The following OR9K2 variants were observed in gnomAD, a reference collection of about 807,000 sequenced individuals.
OR9K2 encodes the protein olfactory receptor family 9 subfamily K member 2.
A neutral mutation model predicts 12.4 loss-of-function variants in OR9K2; 16 were observed. That is an observed-to-expected ratio of 1.29 (90% CI 0.87 to 1.95). The LOEUF (loss-of-function observed/expected upper bound fraction) is 1.95, where lower values mean the gene tolerates loss of function less well. Ranked by LOEUF, OR9K2 falls within the 30% of genes most tolerant of loss-of-function variation. The pLI, the probability that OR9K2 is intolerant of heterozygous loss-of-function variation, is 0.00. For missense variants in OR9K2, 434 were observed against 376.5 expected (o/e 1.15, Z -1.26); for synonymous variants, 133 against 133.2 (o/e 1.00, Z 0.01).
intron 2 of OR9K2, among the ~76,000 whole-genome samples, chr12:55,128,618 GTGTC>G (rs1473341690): frequency 6.6e-6 from 1 of 152,078 alleles, no homozygotes; most frequent in African/African-American, 2.4e-5. Flanking sequence ...ATTTAGAAAA[GTGTC>G]TGGCACATAA....
rs779527488 is a variant in OR9K2 at position 55,126,536 on chromosome 12, A to G, written c.-94+20A>G. ...CCTCAGGTTCACTTTGCTTATCTAT[A>G]GATTTTTGTTCCTGGAATCACTTCA... On this transcript the variant is annotated intron_variant, in intron 1 of 2. Coordinates refer to ENST00000641329, the MANE Select transcript of OR9K2 (RefSeq NM_001005243.2). 1 of 152,156 alleles carries G rather than the reference A, an allele frequency of 6.6e-6. No homozygotes were observed. Among genetic ancestry groups the G allele is most frequent in the Non-Finnish European group, 1.5e-5 (1 of 68,028 alleles). The allele number at this position is 152,156 out of a possible 1,614,324, so 9.4% of individuals were successfully genotyped here. A position where few individuals can be genotyped will look rare whatever the true frequency, so the allele number is the denominator to read the frequency against.
Position 55,130,263 on chromosome 12 carries a change from G to T in OR9K2, c.429G>T (p.Leu143=). 6.2e-6 allele frequency: 10 copies of T among 1,614,022 alleles called. No individual in the cohort carries two copies. Among genetic ancestry groups the T allele is most frequent in the Non-Finnish European group, 7.6e-6 (9 of 1,179,978 alleles). The change falls in exon 3 of 3, where the codon CTG becomes CTT. Residue 143 remains leucine, a synonymous_variant. Coordinates refer to ENST00000641329, the MANE Select transcript of OR9K2 (RefSeq NM_001005243.2). The part of the protein sequence containing the change: ...LLYSVQMSTR[L]CTQLVAGSYF... Reference sequence around the variant, plus strand: ...ACTCTGTTCAAATGTCCACACGTCTGTGTACTCAGTTGGTGGCTGGTTCCT... The same window carrying T: ...ACTCTGTTCAAATGTCCACACGTCTTTGTACTCAGTTGGTGGCTGGTTCCT...
At position 55,132,426 on chromosome 12, in the gene OR9K2, A is replaced by G. The variant is rs1378123916; in HGVS notation, c.*1650A>G. On this transcript the variant is annotated 3_prime_UTR_variant, in exon 3 of 3. Transcript: ENST00000641329. ...TTCAGTATCATTTGTGTCCCTATAGAAAGAGGAGATTAGGGCACACAGAGG... is the reference window on the plus strand; with the variant it reads ...TTCAGTATCATTTGTGTCCCTATAGGAAGAGGAGATTAGGGCACACAGAGG... The G allele has an allele frequency of 6.6e-6, 1 of 152,220 alleles. No homozygotes were observed. Among genetic ancestry groups the G allele is most frequent in the Non-Finnish European group, 1.5e-5 (1 of 68,044 alleles). The allele number at this position is 152,220 out of a possible 1,614,324, so 9.4% of individuals were successfully genotyped here.
At position 55,130,232 on chromosome 12, in the gene OR9K2, T is replaced by C. The variant is rs759484009; in HGVS notation, c.398T>C (p.Leu133Pro). ...CGCTTTATTGCCATCTGCAACCCTC[T>C]GCTCTACTCTGTTCAAATGTCCACA... ...YDRFIAICNP[L>P]LYSVQMSTRL... is the part of the protein sequence containing the mutation. The change falls in exon 3 of 3, where the codon CTG (leucine) becomes CCG (proline). Residue 133 changes from leucine (L) to proline (P), a missense_variant. Transcript: ENST00000641329. The C allele has an allele frequency of 5.0e-6, 8 of 1,614,024 alleles. No individual in the cohort carries two copies. The Admixed American group carries it at 1.0e-4, about 20-fold the overall frequency.
chr12:55,129,716 C>T (rs889957177), intron 2 of OR9K2, 110 bp from the exon 3 acceptor site: 1 of 1,296,516 alleles, frequency 7.7e-7, no homozygotes, highest in Non-Finnish European at 1.1e-6. Flanking sequence ...TTAATAATAA[C>T]ATTAATTTAA....
rs769562694 is a variant in OR9K2 at position 55,129,880 on chromosome 12, A to T, written c.46A>T (p.Ile16Phe). 1 of 1,613,922 alleles carries T rather than the reference A, an allele frequency of 6.2e-7. No homozygotes were observed. Among genetic ancestry groups the T allele is most frequent in the Non-Finnish European group, 8.5e-7 (1 of 1,179,958 alleles). Residue 16 changes from isoleucine (I) to phenylalanine (F), a missense_variant, in exon 3 of 3, where the codon ATT becomes TTT. Coordinates refer to ENST00000641329, the MANE Select transcript of OR9K2 (RefSeq NM_001005243.2). ...TSNHSEMTDF[I>F]LAGFRVRPEL... Reference sequence around the variant, plus strand: ...CAATCACTCAGAAATGACTGACTTCATTCTTGCAGGCTTCAGGGTACGCCC... The same window carrying T: ...CAATCACTCAGAAATGACTGACTTCTTTCTTGCAGGCTTCAGGGTACGCCC...
At chr12:55,128,973 G>A (rs1226982270) in intron 2 of OR9K2, among the ~76,000 whole-genome samples, 1 of 152,118 alleles carries the variant, frequency 6.6e-6, no homozygotes, top group Non-Finnish European at 1.5e-5. Flanking sequence ...TGGAAGGTGG[G>A]AGGAGGGAGA....
intron 2 of OR9K2, 64 bp from the exon 3 acceptor site, chr12:55,129,762 A>T: frequency 6.3e-7 from 1 of 1,588,176 alleles, no homozygotes. Flanking sequence ...ATAAGAGATT[A>T]TTTGTAATGC....
chr12:55,129,945 T>C lies in OR9K2; in HGVS notation c.111T>C (p.Val37=), dbSNP rs1953456701. The change falls in exon 3 of 3, where the codon GTT becomes GTC. Residue 37 remains valine (V), a synonymous_variant. Coordinates refer to ENST00000641329, the MANE Select transcript of OR9K2 (RefSeq NM_001005243.2). The stretch of plus-strand genomic sequence containing the variant: ...TCCTCTTCCTGCTATTTTTGTTTGT[T>C]TATGCCATGATCCTTCTAGGGAATG... ...HILLFLLFLF[V]YAMILLGNVG... 1 of 1,614,010 alleles carries C rather than the reference T, an allele frequency of 6.2e-7. No individual in the cohort carries two copies. The highest frequency in any genetic ancestry group is 8.5e-7 in the Non-Finnish European group (1 of 1,179,924).
chr12:55,130,833 C>A lies in OR9K2; in HGVS notation c.*57C>A, dbSNP rs951476721. 20 of 972,320 alleles carry A rather than the reference C, an allele frequency of 2.1e-5. No individual in the cohort carries two copies. The highest frequency in any genetic ancestry group is 3.0e-5 in the Non-Finnish European group (20 of 658,254). 60.2% of individuals were successfully genotyped at this position (972,320 alleles called of 1,614,324 possible). A position where few individuals can be genotyped will look rare whatever the true frequency, so the allele number is the denominator to read the frequency against. ...GCTATTTATTTAATACACCTGTGTTCATTAATAAAAGTTACTCTCCCGAAT... is the reference window on the plus strand; with the variant it reads ...GCTATTTATTTAATACACCTGTGTTAATTAATAAAAGTTACTCTCCCGAAT... On this transcript the variant is annotated 3_prime_UTR_variant, in exon 3 of 3. Transcript: ENST00000641329.
chr12:55,128,838 C>T (rs1953447060), intron 2 of OR9K2, among the ~76,000 whole-genome samples: 1 of 152,104 alleles, frequency 6.6e-6, no homozygotes, highest in Non-Finnish European at 1.5e-5. Flanking sequence ...GTATCCTTTG[C>T]AGTATTAATT....
chr12:55,129,139 GA>G (rs1953449325), intron 2 of OR9K2, among the ~76,000 whole-genome samples: 1 of 152,146 alleles, frequency 6.6e-6, no homozygotes, highest in African/African-American at 2.4e-5. Context: ...TTGGGATCAA[GA>G]AATGAAGGGA....
chr12:55,130,448 T>C lies in OR9K2; in HGVS notation c.614T>C (p.Leu205Ser), dbSNP rs1953464728. 6.2e-7 allele frequency: 1 copy of C among 1,613,524 alleles called. No individual in the cohort carries two copies. Among genetic ancestry groups the C allele is most frequent in the East Asian group, 2.2e-5 (1 of 44,878 alleles). ...ATCCATAGAATGATATCTTTTTCCT[T>C]ATCATGTATTATTATCTTGCCTACT... ...LFIHRMISFSLSCIIILPTII... is the reference protein window; with the variant it reads ...LFIHRMISFSSSCIIILPTII... The change falls in exon 3 of 3, where the codon TTA (leucine) becomes TCA (serine). Residue 205 changes from leucine (L) to serine (S), a missense_variant. By Grantham distance (145) the Leu-to-Ser change is moderately radical. Coordinates refer to ENST00000641329, the MANE Select transcript of OR9K2 (RefSeq NM_001005243.2).
chr12:55,127,006 TA>T (rs972742734), intron 2 of OR9K2, 95 bp downstream of exon 2: 2 of 152,028 alleles, frequency 1.3e-5, no homozygotes, highest in East Asian at 1.9e-4. Context: ...CTTTTCCAGG[TA>T]AAAAATGTCA....
chr12:55,128,187 TAA>T (rs1487497604), intron 2 of OR9K2, among the ~76,000 whole-genome samples: 4 of 151,914 alleles, frequency 2.6e-5, no homozygotes, highest in African/African-American at 4.8e-5. Flanking sequence ...AATTTTGTCT[TAA>T]GTTATTGTCA....
At position 55,130,014 on chromosome 12, in the gene OR9K2, A is replaced by C. The variant is rs745906859; in HGVS notation, c.180A>C (p.Thr60=). The C allele has an allele frequency of 6.2e-7, 1 of 1,613,648 alleles. No homozygotes were observed. The highest frequency in any genetic ancestry group is 2.2e-5 in the East Asian group (1 of 44,876). Residue 60 remains threonine, a synonymous_variant, in exon 3 of 3, where the codon ACA becomes ACC. Transcript: ENST00000641329. The part of the protein sequence containing the change: ...TIIMTDPRLN[T]PMYFFLGNLS... ...TTATGACTGATCCTCGGCTGAACAC[A>C]CCAATGTATTTTTTCCTAGGCAATC...
chr12:55,132,604 T>C lies in OR9K2; in HGVS notation c.*1828T>C, dbSNP rs1289279421. The C allele has an allele frequency of 6.6e-6, 1 of 152,242 alleles. No homozygotes were observed. The highest frequency in any genetic ancestry group is 1.5e-5 in the Non-Finnish European group (1 of 68,052). The allele number at this position is 152,242 out of a possible 1,614,324, so 9.4% of individuals were successfully genotyped here. ...CAGCCTCTATCACTAAGAAAATTAA[T>C]TTCTGTTGTTTAAGAACCCAGTGTG... On this transcript the variant is annotated 3_prime_UTR_variant, in exon 3 of 3. Coordinates refer to ENST00000641329, the MANE Select transcript of OR9K2 (RefSeq NM_001005243.2).
At position 55,132,456 on chromosome 12, in the gene OR9K2, C is replaced by T. The variant is rs1185113758; in HGVS notation, c.*1680C>T. On this transcript the variant is annotated 3_prime_UTR_variant, in exon 3 of 3. Transcript: ENST00000641329. ...GGAGATTAGGGCACACAGAGGGACA[C>T]CAGGGGTGCATGTGCACAGAACATC... The T allele has an allele frequency of 6.6e-6, 1 of 152,154 alleles. No homozygotes were observed. The highest frequency in any genetic ancestry group is 1.5e-5 in the Non-Finnish European group (1 of 68,028). The allele number at this position is 152,154 out of a possible 1,614,324, so 9.4% of individuals were successfully genotyped here. A position where few individuals can be genotyped will look rare whatever the true frequency, so the allele number is the denominator to read the frequency against.
chr12:55,129,351 A>G (rs1953451414), intron 2 of OR9K2, among the ~76,000 whole-genome samples: 1 of 151,570 alleles, frequency 6.6e-6, no homozygotes, highest in Non-Finnish European at 1.5e-5. Context: ...CACTTCCTTT[A>G]TATTTGTTGG....
Sources: allele counts gnomAD v4.1 joint callset (sites outside exome capture counted in the v4.1 genomes callset), GRCh38; gene constraint gnomAD v4.1.1; transcripts MANE v1.5; gene names NCBI Gene and HGNC (gene_info 2026-07-23, HGNC 2026-07-21).